AKAP3: variants seen among roughly 807,000 people sequenced by gnomAD.
AKAP3 encodes the protein A-kinase anchoring protein 3.
Under a neutral mutation model 57.2 loss-of-function variants are expected in AKAP3, and 27 were observed. That is an observed-to-expected ratio of 0.47 (90% confidence interval 0.35 to 0.65). AKAP3 has a LOEUF of 0.65. Among genes scored for constraint, AKAP3 ranks in the 30% least tolerant of loss-of-function variants. AKAP3 has a pLI of 0.01. For synonymous variants in AKAP3, 334 were observed against 392.3 expected (o/e 0.85, Z 1.76); for missense variants, 959 against 1,040.0 (o/e 0.92, Z 1.07).
At chr12:4,635,692 T>C (rs925604794) in intron 4 of AKAP3, 3 of 724,146 alleles carry the variant, frequency 4.1e-6, no homozygotes, top group Admixed American at 4.1e-5. Flanking sequence ...TGGTATCATA[T>C]ACAGCTATGG....
At chr12:4,632,067 C>T (rs1945504307) in intron 4 of AKAP3, among the ~76,000 whole-genome samples, 1 of 152,194 alleles carries the variant, frequency 6.6e-6, no homozygotes, top group African/African-American at 2.4e-5. Context: ...AAGTTTCCAA[C>T]ATCTTTATAT....
At chr12:4,630,826 C>T (rs12298137) in intron 4 of AKAP3, among the ~76,000 whole-genome samples, 111,798 of 152,150 alleles carry the variant, frequency 0.73, 42,159 homozygotes, top group Middle Eastern at 0.82. Context: ...TCCAATGGCA[C>T]GTTCACTTCA....
In AKAP3 at chr12:4,626,771, G is replaced by C; in HGVS notation, c.2131C>G (p.Pro711Ala). ...GGTAAGCACTCATATAAACTATCTG[G>C]GAAGGCCGAAGTTAGCCTACTGGCA... The part of the protein sequence containing the change: ...GDASRLTSAF[P>A]DSLYECLPAK... Residue 711 changes from proline to alanine, a missense_variant, in exon 5 of 6, where the codon CCA becomes GCA. By Grantham distance (27) the Pro-to-Ala change is conservative. Coordinates refer to ENST00000228850, the MANE Select transcript of AKAP3 (RefSeq NM_001278309.2). 1 of 1,612,318 alleles carries C rather than the reference G, an allele frequency of 6.2e-7. No individual in the cohort carries two copies. Among genetic ancestry groups the C allele is most frequent in the East Asian group, 2.2e-5 (1 of 44,880 alleles).
At chr12:4,621,793 A>G (rs964088535) in intron 5 of AKAP3, among the ~76,000 whole-genome samples, 4 of 152,206 alleles carry the variant, frequency 2.6e-5, no homozygotes, top group Admixed American at 2.6e-4. Flanking sequence ...AATATCGTAA[A>G]GTGGAGAATG....
At chr12:4,630,513 T>C (rs907568188) in intron 4 of AKAP3, among the ~76,000 whole-genome samples, 1 of 152,240 alleles carries the variant, frequency 6.6e-6, no homozygotes, top group Admixed American at 6.5e-5. Context: ...TCTGCAGGAC[T>C]GGTTTAAGTG....
chr12:4,634,657 C>T (rs1945541694), intron 4 of AKAP3, among the ~76,000 whole-genome samples: 1 of 151,868 alleles, frequency 6.6e-6, no homozygotes, highest in Non-Finnish European at 1.5e-5. Context: ...GAAAGGAACA[C>T]TATCTATTAA....
Position 4,628,325 on chromosome 12 carries a change from C to A in AKAP3, c.577G>T (p.Asp193Tyr). ...VSACSRNAAP[D>Y]KAPGSGDRVS... ...CTGTCTCCAGAGCCAGGAGCCTTGT[C>A]TGGGGCAGCATTCCTGGAACATGCA... Residue 193 changes from aspartate (D) to tyrosine (Y), a missense_variant, in exon 5 of 6, where the codon GAC becomes TAC. Coordinates refer to ENST00000228850, the MANE Select transcript of AKAP3 (RefSeq NM_001278309.2). 3 of 1,614,134 alleles carry A rather than the reference C, an allele frequency of 1.9e-6. No homozygotes were observed. Among genetic ancestry groups the A allele is most frequent in the South Asian group, 1.1e-5 (1 of 91,068 alleles).
intron 5 of AKAP3, among the ~76,000 whole-genome samples, chr12:4,624,705 C>A (rs181018870): frequency 6.6e-6 from 1 of 151,252 alleles, no homozygotes; most frequent in East Asian, 1.9e-4. Context: ...ATATTCAGTG[C>A]GTCTATTTAT....
intron 5 of AKAP3, among the ~76,000 whole-genome samples, chr12:4,622,379 CTA>C (rs1420201763): frequency 6.6e-6 from 1 of 152,204 alleles, no homozygotes; most frequent in East Asian, 1.9e-4. Flanking sequence ...CAACTTCAAA[CTA>C]TACTCCAGGA....
At chr12:4,620,711 C>A (rs985826020) in intron 5 of AKAP3, among the ~76,000 whole-genome samples, 3 of 152,046 alleles carry the variant, frequency 2.0e-5, no homozygotes, top group Non-Finnish European at 4.4e-5. Flanking sequence ...CGTAACAGAG[C>A]ACAACACATT....
At position 4,649,011 on chromosome 12, in the gene AKAP3, C is replaced by A; in HGVS notation, c.-511G>T. ...GCTTTCTTCTTAACCAACAATCTAC[C>A]CGAAACCGTCGTTTCTTGGTTAGCG... On this transcript the variant is annotated 5_prime_UTR_variant, in exon 1 of 6. Coordinates refer to ENST00000228850, the MANE Select transcript of AKAP3 (RefSeq NM_001278309.2). 2 of 1,216,876 alleles carry A rather than the reference C, an allele frequency of 1.6e-6. No homozygotes were observed. Among genetic ancestry groups the A allele is most frequent in the East Asian group, 2.6e-5 (1 of 39,052 alleles). 75.4% of individuals were successfully genotyped at this position (1,216,876 alleles called of 1,614,324 possible).
Position 4,626,534 on chromosome 12 carries a change from A to G in AKAP3, c.2368T>C (p.Leu790=). 1 of 1,614,064 alleles carries G rather than the reference A, an allele frequency of 6.2e-7. No homozygotes were observed. Among genetic ancestry groups the G allele is most frequent in the African/African-American group, 1.3e-5 (1 of 75,020 alleles). Residue 790 remains leucine (L), a synonymous_variant, in exon 5 of 6, where the codon TTG becomes CTG. Coordinates refer to ENST00000228850, the MANE Select transcript of AKAP3 (RefSeq NM_001278309.2). ...VAASELNVPI[L]YFAGDDEGIQ... is the part of the protein sequence containing the mutation. ...CCTTCATCATCACCAGCAAAATACA[A>G]AATAGGGACATTGAGCTCAGAGGCA...
intron 5 of AKAP3, among the ~76,000 whole-genome samples, chr12:4,620,136 CAA>C (rs1210302048): frequency 6.6e-6 from 1 of 151,894 alleles, no homozygotes; most frequent in Non-Finnish European, 1.5e-5. Context: ...GCTATTGGTA[CAA>C]GAGTAGATGG....
At position 4,627,531 on chromosome 12, in the gene AKAP3, C is replaced by G. The variant is rs768271801; in HGVS notation, c.1371G>C (p.Gly457=). Residue 457 remains glycine (G), a synonymous_variant, in exon 5 of 6, where the codon GGG becomes GGC. Coordinates refer to ENST00000228850, the MANE Select transcript of AKAP3 (RefSeq NM_001278309.2). ...KTLGEHIIKE[G]LTLWHKTQQK... is the part of the protein sequence containing the mutation. ...GCTGAGTTTTATGCCACAAGGTAAG[C>G]CCCTCTTTGATAATGTGCTCACCCA... 1.1e-5 allele frequency: 17 copies of G among 1,614,002 alleles called. No homozygotes were observed. In the South Asian group the frequency reaches 1.9e-4, roughly 18 times the overall value.
intron 4 of AKAP3, among the ~76,000 whole-genome samples, chr12:4,633,657 C>G (rs1014345640): frequency 2.0e-5 from 3 of 151,598 alleles, no homozygotes; most frequent in Non-Finnish European, 4.4e-5. Context: ...ATTTCTGAAT[C>G]CTGGGGCAAG....
chr12:4,625,189 G>A lies in AKAP3; in HGVS notation c.2406+1307C>T, dbSNP rs765922175. Reference sequence around the variant, plus strand: ...ACCCTTAGGAATAGATCTAATATTGGAAGTTCACACTGTCTTCTAGCCTAA... The same window carrying A: ...ACCCTTAGGAATAGATCTAATATTGAAAGTTCACACTGTCTTCTAGCCTAA... On this transcript the variant is annotated intron_variant, in intron 5 of 5. Coordinates refer to ENST00000228850, the MANE Select transcript of AKAP3 (RefSeq NM_001278309.2). The surrounding 1 kb of genome is among the most constrained non-coding windows in gnomAD (Gnocchi z 5.4). Among the ~76,000 whole-genome samples the A allele has an allele frequency of 6.6e-6, 1 of 152,144 alleles. No homozygotes were observed. The highest frequency in any genetic ancestry group is 1.5e-5 in the Non-Finnish European group (1 of 68,034).
intron 4 of AKAP3, among the ~76,000 whole-genome samples, chr12:4,634,749 C>A (rs1167697581): frequency 1.4e-5 from 2 of 142,470 alleles, no homozygotes; most frequent in Non-Finnish European, 3.1e-5. Flanking sequence ...AAAAAAAACA[C>A]ACACACACAG....
rs541973789 is a variant in AKAP3 at position 4,625,335 on chromosome 12, T to A, written c.2406+1161A>T. Among the ~76,000 whole-genome samples, 1 of 152,284 alleles carries A rather than the reference T, an allele frequency of 6.6e-6. No individual in the cohort carries two copies. Among genetic ancestry groups the A allele is most frequent in the South Asian group, 2.1e-4 (1 of 4,822 alleles). ...AAGCTCCCAGGTGATGCCAATGTTG[T>A]AGGTCCACAGACTACACTTTAAGTA... On this transcript the variant is annotated intron_variant, in intron 5 of 5. Transcript: ENST00000228850. This position sits in a 1 kb window ranked among gnomAD's most constrained non-coding sequence, Gnocchi z 5.4.
At chr12:4,638,787 T>G (rs1252392366) in intron 3 of AKAP3, among the ~76,000 whole-genome samples, 1 of 152,180 alleles carries the variant, frequency 6.6e-6, no homozygotes, top group Non-Finnish European at 1.5e-5. Flanking sequence ...TGAGTATCAG[T>G]CAGGACAAAA....
Sources: gnomAD v4.1 joint callset for allele counts (sites outside exome capture counted in the v4.1 genomes callset) on GRCh38, gnomAD v4.1.1 for gene constraint, Gnocchi (gnomAD v3.1) non-coding constraint, MANE v1.5 for transcripts, NCBI Gene and HGNC (gene_info 2026-07-23, HGNC 2026-07-21) for gene names.